Variants in ALKBH3 observed in about 807,000 individuals in gnomAD.
The protein encoded by ALKBH3 is alkB homolog 3, alpha-ketoglutarate dependent dioxygenase.
ALKBH3 carries 51 observed loss-of-function variants against 43.9 expected under a neutral mutation model. The ratio of observed to expected loss-of-function variants is 1.16; its 90% CI spans 0.93 to 1.47. The LOEUF (loss-of-function observed/expected upper bound fraction) is 1.47, where lower values mean the gene tolerates loss of function less well. Ranked by LOEUF, ALKBH3 falls within the 40% of genes most tolerant of loss-of-function variation. The pLI is 0.00. For synonymous variants in ALKBH3, 102 were observed against 115.2 expected (o/e 0.89, Z 0.73); for missense variants, 361 against 351.9 (o/e 1.03, Z -0.21).
At chr11:43,893,622 A>G (rs1221806922) in intron 7 of ALKBH3, among the ~76,000 whole-genome samples, 1 of 152,160 alleles carries the variant, frequency 6.6e-6, no homozygotes, top group Non-Finnish European at 1.5e-5. Context: ...ATATACCTAG[A>G]GAATCTTTTT....
intron 5 of ALKBH3, among the ~76,000 whole-genome samples, chr11:43,887,497 A>G (rs895754418): frequency 4.6e-5 from 7 of 151,488 alleles, no homozygotes; most frequent in African/African-American, 7.3e-5. Flanking sequence ...TTTAATAGAG[A>G]TGGGGTTTCA....
chr11:43,916,956 T>C (rs187564568), intron 8 of ALKBH3: 15 of 152,332 alleles, frequency 9.8e-5, no homozygotes, highest in Admixed American at 9.8e-4. Context: ...AAGTCAAAGA[T>C]CTTAGAAGGA....
At chr11:43,914,608 T>C (rs1364494111) in intron 8 of ALKBH3, among the ~76,000 whole-genome samples, 1 of 152,128 alleles carries the variant, frequency 6.6e-6, no homozygotes, top group Admixed American at 6.5e-5. Flanking sequence ...TATTTAACTT[T>C]CCTCAGGATG....
intron 8 of ALKBH3, among the ~76,000 whole-genome samples, chr11:43,902,721 C>A (rs921067704): frequency 6.6e-6 from 1 of 152,312 alleles, no homozygotes; most frequent in East Asian, 1.9e-4. Flanking sequence ...GTTAGCCTCC[C>A]GAGTAGCTGG....
intron 7 of ALKBH3, among the ~76,000 whole-genome samples, chr11:43,895,344 A>G (rs1438422230): frequency 1.3e-5 from 2 of 152,216 alleles, no homozygotes; most frequent in Non-Finnish European, 2.9e-5. Context: ...ATGGTAGTGA[A>G]TAAGTCTCAT....
Position 43,901,725 on chromosome 11 carries a change from A to G in ALKBH3, c.669A>G (p.Pro223=). ...TTGAGATGAGAAAGAAGCCACCACC[A>G]GTGAGTATTCTCTTTTTCTTATGCT... ...RTFEMRKKPP[P]EENGDYTYVE... is the part of the protein sequence containing the mutation. The change falls in exon 8 of 10, where the codon CCA becomes CCG. Residue 223 remains proline (P), a splice_region_variant and synonymous_variant. Coordinates refer to ENST00000302708, the MANE Select transcript of ALKBH3 (RefSeq NM_139178.4). 1 of 1,614,130 alleles carries G rather than the reference A, an allele frequency of 6.2e-7. No individual in the cohort carries two copies. Among genetic ancestry groups the G allele is most frequent in the Non-Finnish European group, 8.5e-7 (1 of 1,179,950 alleles).
chr11:43,899,990 T>G (rs1445747790), intron 7 of ALKBH3, among the ~76,000 whole-genome samples: 1 of 151,892 alleles, frequency 6.6e-6, no homozygotes, highest in Non-Finnish European at 1.5e-5. Context: ...GCCAATTTCC[T>G]TCATATACTT....
At chr11:43,890,982 A>G (rs1395633390) in intron 6 of ALKBH3, among the ~76,000 whole-genome samples, 1 of 152,298 alleles carries the variant, frequency 6.6e-6, no homozygotes, top group Admixed American at 6.5e-5. Flanking sequence ...CTATGTAAAT[A>G]GTTGTTATAC....
chr11:43,915,215 GAAAA>G (rs978733020), intron 8 of ALKBH3, among the ~76,000 whole-genome samples: 1 of 78,308 alleles, frequency 1.3e-5, no homozygotes, highest in Non-Finnish European at 2.8e-5. Context: ...CTCAAAAAAA[GAAAA>G]AAAAAAAAAA....
intron 8 of ALKBH3, among the ~76,000 whole-genome samples, chr11:43,907,999 G>T (rs1951908125): frequency 6.6e-6 from 1 of 152,156 alleles, no homozygotes; most frequent in Admixed American, 6.5e-5. Flanking sequence ...GGTAGAGAAG[G>T]AGAAAAAGGG....
chr11:43,916,099 G>C (rs2135207675), intron 8 of ALKBH3, among the ~76,000 whole-genome samples: 1 of 152,316 alleles, frequency 6.6e-6, no homozygotes, highest in South Asian at 2.1e-4. Flanking sequence ...TTTAGGACAA[G>C]AAAGGGATGA....
chr11:43,882,423 T>A (rs946172950), intron 1 of ALKBH3, among the ~76,000 whole-genome samples, 160 bp from the exon 2 acceptor site: 3 of 152,236 alleles, frequency 2.0e-5, no homozygotes, highest in Non-Finnish European at 2.9e-5. Context: ...CAGCCCCAAA[T>A]GACTAGGCTT....
chr11:43,894,010 C>A (rs1951801790), intron 7 of ALKBH3, among the ~76,000 whole-genome samples: 1 of 152,130 alleles, frequency 6.6e-6, no homozygotes, highest in African/African-American at 2.4e-5. Flanking sequence ...ACCCCGACCT[C>A]TCAGAATTTT....
intron 7 of ALKBH3, among the ~76,000 whole-genome samples, chr11:43,900,458 G>A (rs148284168): frequency 1.4e-3 from 207 of 151,998 alleles, no homozygotes; most frequent in African/African-American, 4.4e-3. Context: ...TCCCGACCTC[G>A]TGATCCACCC....
chr11:43,913,118 A>C (rs894700972), intron 8 of ALKBH3, among the ~76,000 whole-genome samples: 11 of 152,132 alleles, frequency 7.2e-5, no homozygotes, highest in East Asian at 3.8e-4. Context: ...AAAAAAAAAA[A>C]AAAACAAGTA....
chr11:43,920,055 T>G lies in ALKBH3; in HGVS notation c.*45T>G. The G allele has an allele frequency of 6.5e-7, 1 of 1,547,330 alleles. No homozygotes were observed. Among genetic ancestry groups the G allele is most frequent in the Non-Finnish European group, 8.9e-7 (1 of 1,121,300 alleles). On this transcript the variant is annotated 3_prime_UTR_variant, in exon 10 of 10. Coordinates refer to ENST00000302708, the MANE Select transcript of ALKBH3 (RefSeq NM_139178.4). ...AAGCTTCACTGAAACGGAGCAAACC[T>G]TCCACTGAGAAGCCACTTCAAGAGG...
chr11:43,896,945 T>C (rs1951823201), intron 7 of ALKBH3, among the ~76,000 whole-genome samples: 1 of 152,084 alleles, frequency 6.6e-6, no homozygotes, highest in Non-Finnish European at 1.5e-5. Flanking sequence ...TTAAAGCATT[T>C]TTTTTTTAGA....
At chr11:43,898,254 A>G in intron 7 of ALKBH3, 2 of 807,830 alleles carry the variant, frequency 2.5e-6, no homozygotes, top group East Asian at 4.8e-5. Context: ...GTGAAATTCC[A>G]AAAGATGAGC....
At chr11:43,907,196 G>A (rs1951901407) in intron 8 of ALKBH3, among the ~76,000 whole-genome samples, 1 of 151,298 alleles carries the variant, frequency 6.6e-6, no homozygotes, top group Non-Finnish European at 1.5e-5. Context: ...GTGTGAGGGT[G>A]AGTAGAGAGA....
Sources: gnomAD v4.1 joint callset for allele counts (sites outside exome capture counted in the v4.1 genomes callset) on GRCh38, gnomAD v4.1.1 for gene constraint, MANE v1.5 for transcripts, NCBI Gene and HGNC (gene_info 2026-07-23, HGNC 2026-07-21) for gene names.